The following OR4N5 variants were observed in gnomAD, a reference collection of about 807,000 sequenced individuals.
OR4N5 encodes olfactory receptor family 4 subfamily N member 5, also known as olfactory receptor 4N5.
For synonymous variants in OR4N5, 155 were observed against 140.6 expected, an observed-to-expected ratio of 1.10 and a Z score of -0.72; for missense variants, 428 against 370.0, an observed-to-expected ratio of 1.16 and a Z score of -1.29.
rs1878561819 is a variant in OR4N5, at chr14:20,138,870, T to C, written c.-401T>C. 6.6e-6 allele frequency: 1 copy of C among 151,906 alleles called. No homozygotes were observed. The highest frequency in any genetic ancestry group is 1.5e-5 in the Non-Finnish European group (1 of 67,950). The allele number at this position is 151,906 out of a possible 1,614,324, so 9.4% of individuals were successfully genotyped here. ...AAAAGAATAGCCACTTGTTTGAGAGTAGCATTTGGCTCCCGGCAAGGTAAA... is the reference window on the plus strand; with the variant it reads ...AAAAGAATAGCCACTTGTTTGAGAGCAGCATTTGGCTCCCGGCAAGGTAAA... On this transcript the variant is annotated 5_prime_UTR_variant, in exon 1 of 3. Transcript: ENST00000641086.
chr14:20,142,615 G>A (rs564197211), intron 2 of OR4N5, among the ~76,000 whole-genome samples: 1 of 152,066 alleles, frequency 6.6e-6, no homozygotes, highest in East Asian at 1.9e-4. Context: ...CAGAAAAGGG[G>A]GAATATTTAG....
chr14:20,141,506 A>G (rs1412447435), intron 2 of OR4N5, among the ~76,000 whole-genome samples: 1 of 152,198 alleles, frequency 6.6e-6, no homozygotes, highest in Non-Finnish European at 1.5e-5. Flanking sequence ...GTTACTAGTC[A>G]CATAAAACAA....
Position 20,143,809 on chromosome 14 carries a change from T to G in OR4N5, c.74T>G (p.Leu25Arg), listed in dbSNP as rs1296933516. 6.2e-7 allele frequency: 1 copy of G among 1,614,026 alleles called. No individual in the cohort carries two copies. Among genetic ancestry groups the G allele is most frequent in the Non-Finnish European group, 8.5e-7 (1 of 1,179,912 alleles). ...CTGACCCAGTCTCAAGATGCTCAAC[T>G]TCTGGTCTTTGTGCTAGTCTTAATT... is the stretch of plus-strand genomic sequence containing the variant. ...LGLTQSQDAQ[L>R]LVFVLVLIFY... Residue 25 changes from leucine (L) to arginine (R), a missense_variant, in exon 3 of 3, where the codon CTT (leucine) becomes CGT (arginine). Transcript: ENST00000641086.
Position 20,144,276 on chromosome 14 carries a change from G to A in OR4N5, c.541G>A (p.Val181Ile). 2 of 1,614,042 alleles carry A rather than the reference G, an allele frequency of 1.2e-6. No individual in the cohort carries two copies. Among genetic ancestry groups the A allele is most frequent in the Admixed American group, 1.7e-5 (1 of 59,974 alleles). The change falls in exon 3 of 3, where the codon GTT becomes ATT. Residue 181 changes from valine to isoleucine, a missense_variant. Transcript: ENST00000641086. ...CCAGCTCGATAACTTCTTCTGTGATGTTCCACAGGTCATCAAGCTGGCCTG... is the reference window on the plus strand; with the variant it reads ...CCAGCTCGATAACTTCTTCTGTGATATTCCACAGGTCATCAAGCTGGCCTG... ...PNQLDNFFCD[V>I]PQVIKLACTN...
At position 20,144,191 on chromosome 14, in the gene OR4N5, C is replaced by T. The variant is rs147740730; in HGVS notation, c.456C>T (p.Gly152=). 2.5e-4 allele frequency: 410 copies of T among 1,614,084 alleles called. No individual in the cohort carries two copies. In the African/African-American group the frequency reaches 4.7e-3, roughly 19 times the overall value. Residue 152 remains glycine (G), a synonymous_variant, in exon 3 of 3, where the codon GGC becomes GGT. Coordinates refer to ENST00000641086, the MANE Select transcript of OR4N5 (RefSeq NM_001004724.2). ...TATCGTTGGTTCTGTGGCTTGGGGG[C>T]TTTATCCATTCCATTGTACAAGTAG... ...YALSLVLWLG[G]FIHSIVQVAL...
At chr14:20,142,726 G>T (rs538141073) in intron 2 of OR4N5, among the ~76,000 whole-genome samples, 79 of 152,148 alleles carry the variant, frequency 5.2e-4, no homozygotes, top group Non-Finnish European at 1.8e-4. Context: ...ATAAATACCT[G>T]CTTTCCTCTA....
chr14:20,140,283 A>C (rs1359367009), intron 1 of OR4N5, among the ~76,000 whole-genome samples: 1 of 152,150 alleles, frequency 6.6e-6, no homozygotes, highest in Non-Finnish European at 1.5e-5. Context: ...GGAAGAGAGC[A>C]AAGAGGGAGG....
Position 20,139,568 on chromosome 14 carries a change from T to A in OR4N5, c.-381+678T>A, listed in dbSNP as rs1156774725. ...CTGTTATCATATCCCTTGGAATTAA[T>A]CCCAGGGCAGTGACAAAAGATCTAT... is the stretch of plus-strand genomic sequence containing the variant. On this transcript the variant is annotated intron_variant, in intron 1 of 2. Transcript: ENST00000641086. Among the ~76,000 whole-genome samples, 5 of 152,242 alleles carry A rather than the reference T, an allele frequency of 3.3e-5. 1 individual carries two copies. The highest frequency in any genetic ancestry group is 6.8e-3 in the Middle Eastern group (2 of 294).
chr14:20,138,937 GAAAA>G (rs4059207), intron 1 of OR4N5, 47 bp downstream of exon 1: 3 of 149,534 alleles, frequency 2.0e-5, no homozygotes, highest in African/African-American at 7.4e-5. Flanking sequence ...TAGAGAAAAA[GAAAA>G]AAAAAGAAAA....
At chr14:20,142,650 G>A (rs904474191) in intron 2 of OR4N5, among the ~76,000 whole-genome samples, 5 of 152,110 alleles carry the variant, frequency 3.3e-5, no homozygotes, top group Non-Finnish European at 7.4e-5. Context: ...ATTTACTTAA[G>A]TGCCTAAATA....
At position 20,144,139 on chromosome 14, in the gene OR4N5, T is replaced by A. The variant is rs183854172; in HGVS notation, c.404T>A (p.Ile135Asn). 36 of 1,614,074 alleles carry A rather than the reference T, an allele frequency of 2.2e-5. No homozygotes were observed. The East Asian group carries it at 8.0e-4, about 36-fold the overall frequency. The change falls in exon 3 of 3, where the codon ATC (isoleucine) becomes AAC (asparagine). Residue 135 changes from isoleucine to asparagine, a missense_variant. Transcript: ENST00000641086. ...AICRPLHYST[I>N]MNPRACYALS... ...TGCCGGCCTTTACACTATTCAACCA[T>A]CATGAACCCTAGAGCCTGCTATGCA...
At position 20,144,105 on chromosome 14, in the gene OR4N5, A is replaced by C. The variant is rs201109155; in HGVS notation, c.370A>C (p.Ile124Leu). 8.1e-6 allele frequency: 13 copies of C among 1,613,992 alleles called. No homozygotes were observed. In the African/African-American group the frequency reaches 1.5e-4, roughly 18 times the overall value. Reference sequence around the variant, plus strand: ...CGTTGTGATGGCCTTTGACCGCTACATCGCCATCTGCCGGCCTTTACACTA... The same window carrying C: ...CGTTGTGATGGCCTTTGACCGCTACCTCGCCATCTGCCGGCCTTTACACTA... ...LLVVMAFDRY[I>L]AICRPLHYST... The change falls in exon 3 of 3, where the codon ATC becomes CTC. Residue 124 changes from isoleucine (I) to leucine (L), a missense_variant. By Grantham distance (5) the Ile-to-Leu change is conservative. Transcript: ENST00000641086.
intron 1 of OR4N5, among the ~76,000 whole-genome samples, chr14:20,140,259 A>G (rs1252529149): frequency 6.6e-6 from 1 of 152,170 alleles, no homozygotes. Context: ...GAGAAAGAAG[A>G]AAGAGAATGA....
rs534665307 is a variant in OR4N5, at chr14:20,144,596, T to C, written c.861T>C (p.Tyr287=). The C allele has an allele frequency of 1.2e-6, 2 of 1,613,724 alleles. No individual in the cohort carries two copies. Among genetic ancestry groups the C allele is most frequent in the South Asian group, 1.1e-5 (1 of 91,066 alleles). Residue 287 remains tyrosine (Y), a synonymous_variant, in exon 3 of 3, where the codon TAT becomes TAC. Transcript: ENST00000641086. The part of the protein sequence containing the change: ...VIFPLMNPVI[Y]TLRNQEVKAS... Reference sequence around the variant, plus strand: ...TTCCTTTGATGAACCCTGTTATTTATACGCTTCGCAACCAGGAGGTGAAAG... The same window carrying C: ...TTCCTTTGATGAACCCTGTTATTTACACGCTTCGCAACCAGGAGGTGAAAG...
At position 20,145,332 on chromosome 14, in the gene OR4N5, A is replaced by T. The variant is rs990047152; in HGVS notation, c.*670A>T. The T allele has an allele frequency of 2.6e-5, 4 of 152,204 alleles. No individual in the cohort carries two copies. Among genetic ancestry groups the T allele is most frequent in the African/African-American group, 9.7e-5 (4 of 41,448 alleles). 9.4% of individuals were successfully genotyped at this position (152,204 alleles called of 1,614,324 possible). The stretch of plus-strand genomic sequence containing the variant: ...ATTCTTGAAAGACAATAAGCAGGAG[A>T]GTAACTCTTTAATGTTTCCTATTTG... On this transcript the variant is annotated 3_prime_UTR_variant, in exon 3 of 3. Transcript: ENST00000641086.
intron 2 of OR4N5, among the ~76,000 whole-genome samples, chr14:20,142,032 G>A (rs1878624339): frequency 6.6e-6 from 1 of 152,054 alleles, no homozygotes; most frequent in Non-Finnish European, 1.5e-5. Context: ...CATTGCAATA[G>A]TGAAACATGC....
rs1443119885 is a variant in OR4N5 at position 20,144,613 on chromosome 14, A to AG, written c.880dup (p.Val294GlyfsTer66). 3 of 1,613,194 alleles carry AG rather than the reference A, an allele frequency of 1.9e-6. No homozygotes were observed. In the South Asian group the frequency reaches 3.3e-5, roughly 18 times the overall value. On this transcript the variant is annotated frameshift_variant, in exon 3 of 3. Transcript: ENST00000641086. LOFTEE classifies it low-confidence loss of function (END_TRUNC). Reference sequence around the variant, plus strand: ...GTTATTTATACGCTTCGCAACCAGGAGGTGAAAGCTTCCATGAGGAAGTTG... The same window carrying AG: ...GTTATTTATACGCTTCGCAACCAGGAGGGTGAAAGCTTCCATGAGGAAGTTG...
At chr14:20,143,259 C>T (rs1878653255) in intron 2 of OR4N5, among the ~76,000 whole-genome samples, 1 of 152,124 alleles carries the variant, frequency 6.6e-6, no homozygotes, top group Admixed American at 6.6e-5. Flanking sequence ...ACCAAGAATT[C>T]CATAGGAACT....
rs1463969804 is a variant in OR4N5, at chr14:20,141,133, G to A, written c.-90G>A. On this transcript the variant is annotated 5_prime_UTR_variant, in exon 2 of 3. Coordinates refer to ENST00000641086, the MANE Select transcript of OR4N5 (RefSeq NM_001004724.2). ...GTGAGAGAGGCTGAAACTCTCAGGT[G>A]CTCCCTGTGTCTTGGAATCCTCAAC... The A allele has an allele frequency of 6.6e-6, 1 of 152,122 alleles. No homozygotes were observed. The highest frequency in any genetic ancestry group is 1.5e-5 in the Non-Finnish European group (1 of 68,014). The allele number at this position is 152,122 out of a possible 1,614,324, so 9.4% of individuals were successfully genotyped here. A position where few individuals can be genotyped will look rare whatever the true frequency, so the allele number is the denominator to read the frequency against.
Sources: gnomAD v4.1 joint callset for allele counts (sites outside exome capture counted in the v4.1 genomes callset) on GRCh38, gnomAD v4.1.1 for gene constraint, MANE v1.5 for transcripts, NCBI Gene and HGNC (gene_info 2026-07-23, HGNC 2026-07-21) for gene names.